CELF2: variants seen among roughly 807,000 people sequenced by gnomAD.
The protein encoded by CELF2 is CUGBP Elav-like family member 2.
In CELF2, 8 loss-of-function variants were observed where a neutral mutation model predicts 62.6. That is an observed-to-expected ratio of 0.13 (90% CI 0.07 to 0.23). The LOEUF (loss-of-function observed/expected upper bound fraction) is 0.23. CELF2 is among the 10% of genes least tolerant of loss of function. The pLI, the probability that CELF2 is intolerant of heterozygous loss-of-function variation, is 1.00. For synonymous variants in CELF2, 258 were observed against 250.0 expected (o/e 1.03, Z -0.30); for missense variants, 333 against 671.0 (o/e 0.50, Z 5.56).
chr10:10,920,255 G>C (rs1008921076), intron 2 of CELF2, among the ~76,000 whole-genome samples: 1 of 152,154 alleles, frequency 6.6e-6, no homozygotes. Context: ...GGTATATTTG[G>C]AGATGTATAT....
chr10:10,766,152 C>T, the CELF2 span, among the ~76,000 whole-genome samples: 1 of 152,180 alleles, frequency 6.6e-6, no homozygotes, highest in South Asian at 2.1e-4. Context: ...AGTGCAAATG[C>T]CATCATTTTG....
At chr10:10,549,482 C>A in the CELF2 span, among the ~76,000 whole-genome samples, 22 of 152,192 alleles carry the variant, frequency 1.4e-4, no homozygotes, top group Non-Finnish European at 4.4e-5. Context: ...CAGGGTTTTG[C>A]CATGTTGGCC....
the CELF2 span, among the ~76,000 whole-genome samples, chr10:10,651,846 C>A: frequency 1.3e-5 from 2 of 151,080 alleles, no homozygotes; most frequent in Non-Finnish European, 3.0e-5. Context: ...CAGTTCCTCA[C>A]CAGCAACGGA....
chr10:10,517,448 C>A, the CELF2 span, among the ~76,000 whole-genome samples: 1 of 152,168 alleles, frequency 6.6e-6, no homozygotes, highest in African/African-American at 2.4e-5. Context: ...CCTTCACCAC[C>A]CTGACCCTGG....
At chr10:10,760,030 G>T in the CELF2 span, among the ~76,000 whole-genome samples, 2 of 152,020 alleles carry the variant, frequency 1.3e-5, no homozygotes, top group African/African-American at 4.8e-5. Context: ...TCACCCTCCT[G>T]CGTAGCTGGG....
the CELF2 span, among the ~76,000 whole-genome samples, chr10:10,550,011 C>A: frequency 6.6e-6 from 1 of 152,076 alleles, no homozygotes; most frequent in Admixed American, 6.6e-5. Flanking sequence ...TTGAACAGTG[C>A]GGGAGTTAAG....
intron 2 of CELF2, among the ~76,000 whole-genome samples, chr10:10,981,884 G>A (rs1226908895): frequency 1.3e-5 from 2 of 151,874 alleles, no homozygotes. Context: ...TATAAAGCCA[G>A]GTCTGTCCAA....
chr10:11,077,479 A>G lies in CELF2; in HGVS notation c.74+59316A>G, dbSNP rs117488794. On this transcript the variant is annotated intron_variant, in intron 1 of 12. Transcript: ENST00000633077. The stretch of plus-strand genomic sequence containing the variant: ...CCCTAAGCGTGATCAAAATACCAGA[A>G]GTAATGAGGTCAATTTGTTGGCGTT... 2.6e-3 allele frequency among the ~76,000 whole-genome samples: 403 copies of G among 152,334 alleles called. 2 individuals are homozygous for G. Among genetic ancestry groups the G allele is most frequent in the Middle Eastern group, 0.01 (3 of 294 alleles).
the CELF2 span, among the ~76,000 whole-genome samples, chr10:10,653,743 TA>T: frequency 6.8e-6 from 1 of 147,574 alleles, no homozygotes; most frequent in Non-Finnish European, 1.5e-5. Flanking sequence ...TTTATAGCAC[TA>T]AAGGCCCACA....
chr10:11,165,413 C>A lies in CELF2; in HGVS notation c.75-73C>A. 1 of 1,550,984 alleles carries A rather than the reference C, an allele frequency of 6.4e-7. No individual in the cohort carries two copies. Among genetic ancestry groups the A allele is most frequent in the Non-Finnish European group, 8.7e-7 (1 of 1,147,226 alleles). On this transcript the variant is annotated intron_variant, in intron 1 of 12. Transcript: ENST00000633077. This position sits in a 1 kb window ranked among gnomAD's most constrained non-coding sequence, Gnocchi z 7.4. ...TCCTCCTTCCGCCTCCCCGCTCCCC[C>A]ACCCCCACTATTTTTTCTTCCTGTC...
At chr10:10,953,413 A>G (rs2048535204) in intron 2 of CELF2, among the ~76,000 whole-genome samples, 3 of 152,226 alleles carry the variant, frequency 2.0e-5, no homozygotes, top group Admixed American at 2.0e-4. Context: ...TTTCACACCC[A>G]AAAGAAATTT....
intron 1 of CELF2, among the ~76,000 whole-genome samples, chr10:11,074,794 C>T (rs928202546): frequency 6.6e-6 from 1 of 152,192 alleles, no homozygotes; most frequent in African/African-American, 2.4e-5. Flanking sequence ...CTATTCCAAC[C>T]TCTACCTAGG....
In CELF2 at chr10:11,191,068, T is replaced by A. The variant is rs370706333; in HGVS notation, c.271+25386T>A. ...CAGAAAACTTAGAAGTAAATTAGGG[T>A]TTAAATCCAGTTCCCTGAGGTTGGG... On this transcript the variant is annotated intron_variant, in intron 2 of 12. Coordinates refer to ENST00000633077, the MANE Select transcript of CELF2 (RefSeq NM_001326342.2). The surrounding 1 kb of genome is among the most constrained non-coding windows in gnomAD (Gnocchi z 4.1). Among the ~76,000 whole-genome samples, 42 of 152,276 alleles carry A rather than the reference T, an allele frequency of 2.8e-4. No individual in the cohort carries two copies. The highest frequency in any genetic ancestry group is 1.0e-3 in the African/African-American group (42 of 41,530).
rs553129104 is a variant in CELF2, at chr10:10,826,228, C to T, written c.53+27411C>T. Reference sequence around the variant, plus strand: ...TGCCCATTTCTCTTGGTATGGCTCTCCTTTGAATATTATTCACATTCAGCT... The same window carrying T: ...TGCCCATTTCTCTTGGTATGGCTCTTCTTTGAATATTATTCACATTCAGCT... On this transcript the variant is annotated intron_variant, in intron 1 of 13. Coordinates refer to the CELF2 transcript ENST00000636488. Among the ~76,000 whole-genome samples, 7 of 151,790 alleles carry T rather than the reference C, an allele frequency of 4.6e-5. No homozygotes were observed. The South Asian group carries it at 1.0e-3, about 23-fold the overall frequency.
chr10:11,003,068 T>C (rs2054678847), upstream of CELF2, among the ~76,000 whole-genome samples: 1 of 152,226 alleles, frequency 6.6e-6, no homozygotes, highest in Admixed American at 6.6e-5. This position sits in a 1 kb window ranked among gnomAD's most constrained non-coding sequence, Gnocchi z 4.4. Flanking sequence ...TTTCTTCCTA[T>C]TTACTCATCT....
intron 2 of CELF2, among the ~76,000 whole-genome samples, chr10:10,991,196 G>A (rs1051697711): frequency 5.3e-5 from 8 of 152,194 alleles, no homozygotes; most frequent in African/African-American, 1.9e-4. Flanking sequence ...TGGAATCCTT[G>A]TGGGTATTTG....
chr10:10,943,981 C>A (rs2047356949), intron 2 of CELF2, among the ~76,000 whole-genome samples: 1 of 152,164 alleles, frequency 6.6e-6, no homozygotes, highest in South Asian at 2.1e-4. Context: ...TAGTTCTCTA[C>A]CCTCACAAGG....
the CELF2 span, among the ~76,000 whole-genome samples, chr10:10,483,902 C>A: frequency 6.6e-6 from 1 of 150,568 alleles, no homozygotes; most frequent in African/African-American, 2.4e-5. Context: ...TCTCTCTCAT[C>A]TCTCTGTGTC....
In CELF2 at chr10:11,008,360, C is replaced by T. The variant is rs570689935; in HGVS notation, c.53+2920C>T. Among the ~76,000 whole-genome samples, 2 of 152,332 alleles carry T rather than the reference C, an allele frequency of 1.3e-5. No individual in the cohort carries two copies. Among genetic ancestry groups the T allele is most frequent in the East Asian group, 1.9e-4 (1 of 5,190 alleles). ...TGTTCAGCAGACCACAGACTGAGAT[C>T]TCTAACCCCCTGTGTATGAATATTC... On this transcript the variant is annotated intron_variant, in intron 1 of 12. Coordinates refer to the CELF2 transcript ENST00000416382. This position sits in a 1 kb window ranked among gnomAD's most constrained non-coding sequence, Gnocchi z 4.5.
Sources: allele counts gnomAD v4.1 joint callset (sites outside exome capture counted in the v4.1 genomes callset), GRCh38; gene constraint gnomAD v4.1.1; non-coding constraint Gnocchi (gnomAD v3.1); transcripts MANE v1.5; gene names NCBI Gene and HGNC (gene_info 2026-07-23, HGNC 2026-07-21).